PPP3CA: variants seen among roughly 807,000 people sequenced by gnomAD.
PPP3CA encodes the protein protein phosphatase 3 catalytic subunit alpha, also known as CAM-PRP catalytic subunit.
Under a neutral mutation model 66.5 loss-of-function variants are expected in PPP3CA, and 14 were observed. The observed-to-expected ratio is 0.21, with a 90% CI of 0.14 to 0.33. PPP3CA has a LOEUF of 0.33. Ranked by LOEUF, PPP3CA falls within the 10% of genes least tolerant of loss-of-function variation. The probability of loss-of-function intolerance (pLI) is 1.00; values close to 1 mark genes in which losing one functional copy is unlikely to be tolerated. For missense variants in PPP3CA, 317 were observed against 639.5 expected (o/e 0.50, Z 5.44); for synonymous variants, 232 against 226.2 (o/e 1.03, Z -0.23).
intron 1 of PPP3CA, among the ~76,000 whole-genome samples, chr4:101,337,884 T>C (rs1275526994): frequency 2.0e-5 from 3 of 152,206 alleles, no homozygotes; most frequent in Non-Finnish European, 4.4e-5. Context: ...CATGCAGACA[T>C]GCCATCAGGA....
At chr4:101,080,428 A>C (rs1392632326) in intron 8 of PPP3CA, 104 bp downstream of exon 8, 2 of 524,106 alleles carry the variant, frequency 3.8e-6, no homozygotes, top group African/African-American at 2.0e-5. Flanking sequence ...AAAATTTTAA[A>C]AAAAAAGACT....
intron 7 of PPP3CA, among the ~76,000 whole-genome samples, chr4:101,081,457 G>C (rs1473185868): frequency 6.6e-6 from 1 of 152,158 alleles, no homozygotes; most frequent in African/African-American, 2.4e-5. Context: ...AATTTATAAT[G>C]TAACACTTTA....
intron 1 of PPP3CA, among the ~76,000 whole-genome samples, chr4:101,211,642 C>T (rs900499170): frequency 1.3e-5 from 2 of 151,848 alleles, no homozygotes; most frequent in Non-Finnish European, 2.9e-5. Flanking sequence ...TAAATGAGTC[C>T]CTCAAAGTTA....
At chr4:101,293,516 CATGTCTTTGGA>C (rs1271036677) in intron 1 of PPP3CA, among the ~76,000 whole-genome samples, 1 of 152,156 alleles carries the variant, frequency 6.6e-6, no homozygotes, top group Non-Finnish European at 1.5e-5. Context: ...GGAGTGAACA[CATGTCTTTGGA>C]ATGGCCCACA....
At chr4:101,299,432 G>C (rs1728306463) in intron 1 of PPP3CA, among the ~76,000 whole-genome samples, 1 of 151,584 alleles carries the variant, frequency 6.6e-6, no homozygotes, top group African/African-American at 2.4e-5. Context: ...ATGTTGCCCA[G>C]GCTGGTCTTG....
intron 11 of PPP3CA, among the ~76,000 whole-genome samples, chr4:101,038,734 T>G (rs1278965621): frequency 1.3e-5 from 2 of 152,206 alleles, no homozygotes; most frequent in African/African-American, 4.8e-5. Context: ...CTAGATTGCC[T>G]AATTCAGTGC....
intron 10 of PPP3CA, among the ~76,000 whole-genome samples, chr4:101,047,907 GAGAT>G (rs1435990454): frequency 6.6e-6 from 1 of 151,916 alleles, no homozygotes; most frequent in Non-Finnish European, 1.5e-5. Flanking sequence ...GTTCCTAACT[GAGAT>G]AGAGAGCACT....
intron 1 of PPP3CA, among the ~76,000 whole-genome samples, chr4:101,254,233 T>C (rs541963060): frequency 1.3e-5 from 2 of 152,100 alleles, no homozygotes; most frequent in African/African-American, 4.8e-5. Flanking sequence ...TATAGCTGGG[T>C]CCACTAATGA....
intron 1 of PPP3CA, among the ~76,000 whole-genome samples, chr4:101,341,108 A>G (rs928176297): frequency 2.0e-5 from 3 of 152,078 alleles, no homozygotes; most frequent in Admixed American, 1.3e-4. Context: ...TAATCAAACT[A>G]TTTTACATAG....
At chr4:101,062,936 C>T (rs1412335052) in intron 9 of PPP3CA, among the ~76,000 whole-genome samples, 1 of 151,772 alleles carries the variant, frequency 6.6e-6, no homozygotes, top group African/African-American at 2.4e-5. Flanking sequence ...TACTTGAAAC[C>T]AGGTAAACCT....
chr4:101,039,960 T>C lies in PPP3CA; in HGVS notation c.1241+522A>G, dbSNP rs1030163739. 7.5e-5 allele frequency among the ~76,000 whole-genome samples: 8 copies of C among 107,306 alleles called. 1 individual carries two copies. Among genetic ancestry groups the C allele is most frequent in the African/African-American group, 2.5e-4 (8 of 31,764 alleles). The allele number at this position is 107,306 out of a possible 152,430, so 70.4% of individuals were successfully genotyped here. ...AATATTTGTTTTCTAAATTAATGCTTAATAATAATAATATGATTCATAATC... is the reference window on the plus strand; with the variant it reads ...AATATTTGTTTTCTAAATTAATGCTCAATAATAATAATATGATTCATAATC... On this transcript the variant is annotated intron_variant, in intron 11 of 13. Coordinates refer to ENST00000394854, the MANE Select transcript of PPP3CA (RefSeq NM_000944.5).
chr4:101,088,956 A>C (rs1015363215), intron 6 of PPP3CA, among the ~76,000 whole-genome samples: 5 of 152,220 alleles, frequency 3.3e-5, no homozygotes, highest in Non-Finnish European at 7.3e-5. Context: ...AACAGTAAAC[A>C]AAAAACAAAC....
rs746424266 is a variant in PPP3CA, at chr4:101,206,367, A to G, written c.59-10251T>C. 2.6e-5 allele frequency among the ~76,000 whole-genome samples: 4 copies of G among 152,336 alleles called. No homozygotes were observed. In the South Asian group the frequency reaches 8.3e-4, roughly 32 times the overall value. ...TGAACTTGTCAATTTTGGTTTAAAA[A>G]TCAAACATGCATTTTTTAATCCAGC... On this transcript the variant is annotated intron_variant, in intron 1 of 13. Coordinates refer to ENST00000394854, the MANE Select transcript of PPP3CA (RefSeq NM_000944.5).
chr4:101,025,820 CAAAAAAAAAAAAAAA>C lies in PPP3CA; in HGVS notation c.*30_*44del, dbSNP rs35434632. On this transcript the variant is annotated 3_prime_UTR_variant, in exon 14 of 14. Coordinates refer to ENST00000394854, the MANE Select transcript of PPP3CA (RefSeq NM_000944.5). ...GCAATCCCCATCATGCCCCGCAGCT[CAAAAAAAAAAAAAAA>C]AAAAAAAAAAAAAAGTGAACAGGAA... 1.0e-4 allele frequency: 50 copies of C among 479,348 alleles called. No individual in the cohort carries two copies. Among genetic ancestry groups the C allele is most frequent in the South Asian group, 2.0e-4 (7 of 35,490 alleles). 29.7% of individuals were successfully genotyped at this position (479,348 alleles called of 1,614,324 possible).
chr4:101,143,171 C>T (rs1242155446), intron 2 of PPP3CA, among the ~76,000 whole-genome samples: 1 of 151,620 alleles, frequency 6.6e-6, no homozygotes, highest in African/African-American at 2.4e-5. Context: ...TCACGTCACC[C>T]TTTCTATCTT....
intron 1 of PPP3CA, among the ~76,000 whole-genome samples, chr4:101,343,531 G>T (rs147507662): frequency 3.9e-5 from 6 of 152,080 alleles, no homozygotes; most frequent in African/African-American, 1.4e-4. Flanking sequence ...AGCAATAAAC[G>T]GACCATATTA....
chr4:101,171,183 C>A (rs1283121049), intron 2 of PPP3CA: 1 of 455,956 alleles, frequency 2.2e-6, no homozygotes, highest in East Asian at 7.0e-5. Flanking sequence ...TGAAAGCCAT[C>A]CGTTTTTACC....
At chr4:101,100,830 T>C (rs958080671) in intron 3 of PPP3CA, among the ~76,000 whole-genome samples, 1 of 152,150 alleles carries the variant, frequency 6.6e-6, no homozygotes, top group East Asian at 1.9e-4. Flanking sequence ...GGCTTTCCAA[T>C]ACAGTAGATA....
At chr4:101,285,599 A>ATATG (rs1491102947) in intron 1 of PPP3CA, among the ~76,000 whole-genome samples, 1 of 124,528 alleles carries the variant, frequency 8.0e-6, no homozygotes, top group African/African-American at 3.0e-5. Context: ...CACTGTGTGT[A>ATATG]TGTGTGTGTG....
Sources: allele counts gnomAD v4.1 joint callset (sites outside exome capture counted in the v4.1 genomes callset), GRCh38; gene constraint gnomAD v4.1.1; transcripts MANE v1.5; gene names NCBI Gene and HGNC (gene_info 2026-07-23, HGNC 2026-07-21).